The following SAMD12 variants were observed in gnomAD, a reference collection of about 807,000 sequenced individuals.
SAMD12 encodes the protein sterile alpha motif domain-containing protein 12.
SAMD12 carries 9 observed loss-of-function variants against 15.0 expected under a neutral mutation model. The ratio of observed to expected loss-of-function variants is 0.60; its 90% CI spans 0.36 to 1.05. SAMD12 has a LOEUF of 1.05. SAMD12 is among the 50% of genes least tolerant of loss of function. SAMD12 has a pLI of 0.01. For missense variants in SAMD12, 230 were observed against 234.2 expected (o/e 0.98, Z 0.12); for synonymous variants, 86 against 90.1 (o/e 0.96, Z 0.25).
At chr8:118,179,439 GA>G in the SAMD12 span, among the ~76,000 whole-genome samples, 7,250 of 92,234 alleles carry the variant, frequency 0.079, 205 homozygotes, top group South Asian at 0.17. Flanking sequence ...CTCCGTCTCC[GA>G]AAAAAAAAAA....
At chr8:118,487,351 A>T (rs1313920054) in intron 2 of SAMD12, among the ~76,000 whole-genome samples, 1 of 152,206 alleles carries the variant, frequency 6.6e-6, no homozygotes, top group East Asian at 1.9e-4. Context: ...CACTAAGTTT[A>T]ATGAATAAGC....
chr8:118,321,297 T>TG (rs1816266450), intron 4 of SAMD12, among the ~76,000 whole-genome samples: 1 of 98,672 alleles, frequency 1.0e-5, no homozygotes, highest in South Asian at 3.0e-4. Flanking sequence ...TTTTTTTTGT[T>TG]TTTTTTTTTT....
intron 2 of SAMD12, among the ~76,000 whole-genome samples, chr8:118,579,408 C>A (rs890788307): frequency 6.6e-6 from 1 of 152,224 alleles, no homozygotes; most frequent in Middle Eastern, 3.4e-3. Flanking sequence ...TGATCATCAG[C>A]CAGTAAATAT....
chr8:118,386,284 T>G (rs1374103741), intron 3 of SAMD12, among the ~76,000 whole-genome samples: 1 of 152,182 alleles, frequency 6.6e-6, no homozygotes, highest in Non-Finnish European at 1.5e-5. Context: ...ATACGTCTGT[T>G]TCTGCCAGCT....
chr8:118,295,541 CCACAG>C (rs1035226867), intron 4 of SAMD12: 1 of 152,000 alleles, frequency 6.6e-6, no homozygotes, highest in African/African-American at 2.4e-5. Context: ...TTTTGTAAAT[CCACAG>C]CAATTTTTAT....
At chr8:118,387,302 A>G (rs901808770) in intron 3 of SAMD12, among the ~76,000 whole-genome samples, 3 of 152,202 alleles carry the variant, frequency 2.0e-5, no homozygotes, top group Admixed American at 6.5e-5. Context: ...CATCTCTTCA[A>G]TGGGGATGAA....
chr8:118,199,514 C>A (rs1338424747), intron 4 of SAMD12, among the ~76,000 whole-genome samples: 1 of 152,062 alleles, frequency 6.6e-6, no homozygotes, highest in African/African-American at 2.4e-5. Context: ...AATGAATAAC[C>A]TATAAAATAC....
At chr8:118,180,111 A>G in the SAMD12 span, among the ~76,000 whole-genome samples, 1 of 152,202 alleles carries the variant, frequency 6.6e-6, no homozygotes, top group Non-Finnish European at 1.5e-5. Flanking sequence ...AGAGGAGGTC[A>G]GGGGGCTGAA....
At chr8:118,233,450 C>T (rs1225016022) in intron 4 of SAMD12, among the ~76,000 whole-genome samples, 1 of 152,126 alleles carries the variant, frequency 6.6e-6, no homozygotes, top group African/African-American at 2.4e-5. Context: ...GTTTTGGAAC[C>T]TGAAATGGGA....
At chr8:118,155,516 C>A in the SAMD12 span, among the ~76,000 whole-genome samples, 4 of 152,336 alleles carry the variant, frequency 2.6e-5, no homozygotes, top group South Asian at 6.2e-4. Context: ...GGTGCCCAAT[C>A]AGTGCTCACT....
chr8:118,346,140 T>C (rs368598789), intron 4 of SAMD12, among the ~76,000 whole-genome samples: 122 of 152,372 alleles, frequency 8.0e-4, no homozygotes, highest in African/African-American at 2.7e-3. Flanking sequence ...ATCCCTTTAG[T>C]AGGGTTTTCT....
chr8:118,438,207 ACT>A (rs1284596743), intron 3 of SAMD12, among the ~76,000 whole-genome samples: 1 of 152,100 alleles, frequency 6.6e-6, no homozygotes. Flanking sequence ...AGGGCCATTG[ACT>A]CTAGTTGGGA....
intron 4 of SAMD12, among the ~76,000 whole-genome samples, chr8:118,222,144 C>A (rs1416241072): frequency 6.6e-6 from 1 of 152,016 alleles, no homozygotes; most frequent in Non-Finnish European, 1.5e-5. Context: ...GACAGGAGGA[C>A]CTCAAGTTTC....
intron 2 of SAMD12, among the ~76,000 whole-genome samples, chr8:118,566,762 T>C (rs1007617348): frequency 6.6e-5 from 10 of 152,164 alleles, no homozygotes; most frequent in African/African-American, 2.4e-4. Flanking sequence ...ACTCCAAATT[T>C]AGGCTTATCA....
At chr8:118,528,956 G>A (rs1166286978) in intron 2 of SAMD12, among the ~76,000 whole-genome samples, 2 of 152,036 alleles carry the variant, frequency 1.3e-5, no homozygotes, top group African/African-American at 2.4e-5. Context: ...GGCAGAAAGA[G>A]AAAAAAGACA....
chr8:118,613,443 T>A (rs1828156275), intron 1 of SAMD12, among the ~76,000 whole-genome samples: 1 of 152,228 alleles, frequency 6.6e-6, no homozygotes, highest in Non-Finnish European at 1.5e-5. Context: ...TTATTTGTTA[T>A]ATAACTTCAG....
At chr8:118,508,010 T>C (rs1210060836) in intron 2 of SAMD12, among the ~76,000 whole-genome samples, 1 of 148,470 alleles carries the variant, frequency 6.7e-6, no homozygotes, top group African/African-American at 2.5e-5. Context: ...TTTTTTTTTT[T>C]TGAGACAGGG....
At chr8:118,558,938 C>T (rs572705747) in intron 2 of SAMD12, among the ~76,000 whole-genome samples, 1 of 152,174 alleles carries the variant, frequency 6.6e-6, no homozygotes, top group South Asian at 2.1e-4. Context: ...CGTTGTTCAA[C>T]CAGACTTGTC....
chr8:118,302,738 C>T (rs1207796990), intron 4 of SAMD12, among the ~76,000 whole-genome samples: 2 of 152,148 alleles, frequency 1.3e-5, no homozygotes, highest in Admixed American at 6.5e-5. Context: ...TTTGATTGCA[C>T]TTGGTGATTG....
Sources: allele counts gnomAD v4.1 joint callset (sites outside exome capture counted in the v4.1 genomes callset), GRCh38; gene constraint gnomAD v4.1.1; transcripts MANE v1.5; gene names NCBI Gene and HGNC (gene_info 2026-07-23, HGNC 2026-07-21).